SGCZ: variants seen among roughly 807,000 people sequenced by gnomAD.
SGCZ encodes sarcoglycan zeta.
SGCZ carries 40 observed loss-of-function variants against 41.3 expected under a neutral mutation model. That is an observed-to-expected ratio of 0.97 (90% CI 0.75 to 1.26). SGCZ has a LOEUF of 1.26. SGCZ is among the 50% of genes most tolerant of loss of function. The pLI, the probability that SGCZ is intolerant of heterozygous loss-of-function variation, is 0.00. For missense variants in SGCZ, 552 were observed against 369.8 expected (o/e 1.49, Z -4.04); for synonymous variants, 206 against 137.5 (o/e 1.50, Z -3.49).
chr8:14,648,953 T>C (rs7827423), intron 1 of SGCZ, among the ~76,000 whole-genome samples: 16,547 of 152,084 alleles, frequency 0.11, 1,088 homozygotes, highest in African/African-American at 0.19. Flanking sequence ...TGTAGAAATA[T>C]CTTCTATCTC....
intron 2 of SGCZ, among the ~76,000 whole-genome samples, chr8:14,492,836 C>T (rs561579703): frequency 2.6e-4 from 39 of 152,280 alleles, no homozygotes; most frequent in Non-Finnish European, 4.6e-4. Flanking sequence ...TGATATCAAC[C>T]TCTACCTACA....
At chr8:14,853,033 G>A (rs945798542) in intron 1 of SGCZ, among the ~76,000 whole-genome samples, 1 of 152,184 alleles carries the variant, frequency 6.6e-6, no homozygotes, top group African/African-American at 2.4e-5. Flanking sequence ...TGCTTCTGAG[G>A]ATACATAGAA....
chr8:14,657,019 T>TA lies in SGCZ; in HGVS notation c.40-102094dup, dbSNP rs371013019. On this transcript the variant is annotated intron_variant, in intron 1 of 7. Coordinates refer to ENST00000382080, the MANE Select transcript of SGCZ (RefSeq NM_139167.4). ...AAATTTGTTTTAAATGTTCAAAACTTAAAAAAAATATGCAGTGGGGATATT... is the reference window on the plus strand; with the variant it reads ...AAATTTGTTTTAAATGTTCAAAACTTAAAAAAAAATATGCAGTGGGGATATT... 3.4e-4 allele frequency among the ~76,000 whole-genome samples: 51 copies of TA among 151,890 alleles called. No homozygotes were observed. In the East Asian group the frequency reaches 4.6e-3, roughly 14 times the overall value.
At chr8:14,908,483 G>A (rs1799183438) in intron 1 of SGCZ, among the ~76,000 whole-genome samples, 1 of 152,148 alleles carries the variant, frequency 6.6e-6, no homozygotes, top group South Asian at 2.1e-4. Context: ...CAGGTGCACT[G>A]GCTCACGCCT....
At chr8:14,850,821 C>G (rs1379313918) in intron 1 of SGCZ, among the ~76,000 whole-genome samples, 2 of 152,082 alleles carry the variant, frequency 1.3e-5, no homozygotes, top group Non-Finnish European at 2.9e-5. Context: ...AAAAGAGGAT[C>G]TTTTGCTTCA....
chr8:15,213,338 A>C (rs1033136195), intron 1 of SGCZ, among the ~76,000 whole-genome samples: 3 of 151,908 alleles, frequency 2.0e-5, no homozygotes, highest in African/African-American at 4.8e-5. Flanking sequence ...ATATACACAA[A>C]AAATTTTTTT....
intron 1 of SGCZ, among the ~76,000 whole-genome samples, chr8:15,034,198 T>C (rs1803788562): frequency 6.6e-6 from 1 of 151,712 alleles, no homozygotes. Flanking sequence ...TTCAAGAAAA[T>C]ACAAAGAAAC....
chr8:14,593,151 C>A (rs1409616727), intron 1 of SGCZ, among the ~76,000 whole-genome samples: 2 of 152,108 alleles, frequency 1.3e-5, no homozygotes, highest in Non-Finnish European at 2.9e-5. Context: ...TACATGGTAA[C>A]AGGGACTCTG....
At chr8:14,410,836 T>A (rs2117275739) in intron 2 of SGCZ, among the ~76,000 whole-genome samples, 1 of 152,278 alleles carries the variant, frequency 6.6e-6, no homozygotes, top group South Asian at 2.1e-4. Flanking sequence ...TAAGCTTTCA[T>A]TTCAACCACT....
chr8:15,148,584 T>C (rs565860383), intron 1 of SGCZ, among the ~76,000 whole-genome samples: 1 of 152,210 alleles, frequency 6.6e-6, no homozygotes, highest in Non-Finnish European at 1.5e-5. Context: ...TACCATCAAT[T>C]ATTTTTGCTT....
chr8:14,573,102 A>T (rs1320472695), intron 1 of SGCZ, among the ~76,000 whole-genome samples: 2 of 151,978 alleles, frequency 1.3e-5, no homozygotes, highest in Non-Finnish European at 2.9e-5. Flanking sequence ...ATATGTGGCA[A>T]GTGTAACCAC....
At chr8:14,642,465 TGTAAG>T (rs1807059343) in intron 1 of SGCZ, among the ~76,000 whole-genome samples, 1 of 151,468 alleles carries the variant, frequency 6.6e-6, no homozygotes, top group African/African-American at 2.4e-5. Context: ...AGTTACTATA[TGTAAG>T]GTAACTTACT....
intron 1 of SGCZ, among the ~76,000 whole-genome samples, chr8:14,713,754 T>G (rs927682367): frequency 1.3e-5 from 2 of 151,918 alleles, no homozygotes; most frequent in Admixed American, 6.6e-5. Flanking sequence ...AGCCCATTGA[T>G]TCAATATAAT....
intron 1 of SGCZ, among the ~76,000 whole-genome samples, chr8:14,570,781 C>T (rs376052761): frequency 1.3e-5 from 2 of 152,062 alleles, no homozygotes; most frequent in Non-Finnish European, 1.5e-5. Context: ...CACTTTCAAC[C>T]CCTATCTGCC....
chr8:14,873,807 C>A (rs970661118), intron 1 of SGCZ, among the ~76,000 whole-genome samples: 3 of 152,010 alleles, frequency 2.0e-5, no homozygotes, highest in African/African-American at 7.2e-5. Context: ...AGATGTATAC[C>A]TAATTAGGAA....
intron 1 of SGCZ, among the ~76,000 whole-genome samples, chr8:15,125,682 G>A (rs897858901): frequency 2.0e-5 from 3 of 152,008 alleles, no homozygotes; most frequent in African/African-American, 7.3e-5. Flanking sequence ...ACTGATATAT[G>A]TACTTTATAA....
chr8:14,997,514 T>G (rs943614220), intron 1 of SGCZ, among the ~76,000 whole-genome samples: 1 of 152,226 alleles, frequency 6.6e-6, no homozygotes, highest in African/African-American at 2.4e-5. Context: ...GCAAAATTTA[T>G]GCAAAGATCA....
chr8:15,054,136 C>G (rs917939940), intron 1 of SGCZ, among the ~76,000 whole-genome samples: 1 of 152,132 alleles, frequency 6.6e-6, no homozygotes, highest in Non-Finnish European at 1.5e-5. Flanking sequence ...TGATAAGAAT[C>G]TGTGTATAAG....
chr8:14,307,048 G>C (rs1801373152), intron 3 of SGCZ, among the ~76,000 whole-genome samples: 1 of 152,224 alleles, frequency 6.6e-6, no homozygotes, highest in Admixed American at 6.5e-5. Flanking sequence ...CAAGAAATGG[G>C]AAAGAGAAAA....
Sources: allele counts gnomAD v4.1 joint callset (sites outside exome capture counted in the v4.1 genomes callset), GRCh38; gene constraint gnomAD v4.1.1; transcripts MANE v1.5; gene names NCBI Gene and HGNC (gene_info 2026-07-23, HGNC 2026-07-21).